The following CDK12 variants were observed in gnomAD, a reference collection of about 807,000 sequenced individuals.
CDK12 encodes the protein cyclin-dependent kinase 12.
CDK12 carries 17 observed loss-of-function variants against 133.8 expected under a neutral mutation model. That is an observed-to-expected ratio of 0.13 (90% CI 0.09 to 0.19). CDK12 has a LOEUF of 0.19. Ranked by LOEUF, CDK12 falls within the 10% of genes least tolerant of loss-of-function variation. The pLI is 1.00. For synonymous variants in CDK12, 694 were observed against 683.6 expected (o/e 1.02, Z -0.24); for missense variants, 1,508 against 1,818.7 (o/e 0.83, Z 3.11).
intron 2 of CDK12, among the ~76,000 whole-genome samples, chr17:39,478,739 T>G (rs1307012475): frequency 6.6e-6 from 1 of 152,110 alleles, no homozygotes; most frequent in Non-Finnish European, 1.5e-5. Context: ...GTGGGATGAT[T>G]ACTGGAGCCT....
At chr17:39,501,519 A>G (rs2052716432) in intron 6 of CDK12, 80 bp downstream of exon 6, 2 of 946,130 alleles carry the variant, frequency 2.1e-6, no homozygotes, top group South Asian at 1.6e-5. Flanking sequence ...AATTGGTATT[A>G]TAATTAGACC....
chr17:39,484,990 G>A (rs1255659957), intron 2 of CDK12, among the ~76,000 whole-genome samples: 1 of 152,032 alleles, frequency 6.6e-6, no homozygotes, highest in Non-Finnish European at 1.5e-5. Flanking sequence ...CTAACATGGT[G>A]AAACCCCGTC....
exon 1 of CDK12, chr17:39,550,210 G>C (rs1249659776): frequency 6.6e-6 from 1 of 152,178 alleles, no homozygotes. Context: ...ATAGGGACAG[G>C]GGAGGGATTG....
chr17:39,471,626 G>A lies in CDK12; in HGVS notation c.1794G>A (p.Gln598=). ...THSKTSAVSS[Q]ANSQPPVQVS... is the part of the protein sequence containing the mutation. ...CAAAGACATCTGCTGTGTCCTCTCA[G>A]GCAAATTCTCAGCCCCCTGTACAGG... Residue 598 remains glutamine, a synonymous_variant, in exon 2 of 14, where the codon CAG becomes CAA. Transcript: ENST00000447079. 3 of 1,614,098 alleles carry A rather than the reference G, an allele frequency of 1.9e-6. No individual in the cohort carries two copies. The highest frequency in any genetic ancestry group is 2.5e-6 in the Non-Finnish European group (3 of 1,180,024).
chr17:39,466,065 T>TG (rs1410664305), intron 1 of CDK12, among the ~76,000 whole-genome samples: 1 of 151,540 alleles, frequency 6.6e-6, no homozygotes, highest in Non-Finnish European at 1.5e-5. Flanking sequence ...CCAAGCACTT[T>TG]GGGAGGCCAA....
At chr17:39,503,229 C>T (rs565527434) in intron 6 of CDK12, among the ~76,000 whole-genome samples, 7 of 152,226 alleles carry the variant, frequency 4.6e-5, no homozygotes, top group African/African-American at 1.4e-4. Flanking sequence ...CCCACCACCA[C>T]GCCCAGCTAA....
chr17:39,491,774 G>C (rs2051624496), intron 3 of CDK12, among the ~76,000 whole-genome samples: 1 of 149,202 alleles, frequency 6.7e-6, no homozygotes, highest in South Asian at 2.1e-4. Context: ...ACCATGCCTG[G>C]CTGTGTGTTT....
At chr17:39,463,303 A>G (rs774018838) in intron 1 of CDK12, among the ~76,000 whole-genome samples, 186 bp downstream of exon 1, 21 of 152,198 alleles carry the variant, frequency 1.4e-4, no homozygotes, top group Non-Finnish European at 2.6e-4. Flanking sequence ...TGAAGAGTAC[A>G]TAGGCCTCAA....
intron 2 of CDK12, among the ~76,000 whole-genome samples, chr17:39,485,406 CCCT>C (rs1567712877): frequency 8.2e-5 from 11 of 133,942 alleles, no homozygotes; most frequent in African/African-American, 3.4e-4. Flanking sequence ...GGCATCCCCC[CCCT>C]TTTTTTTTTT....
Position 39,532,101 on chromosome 17 carries a change from T to TA in CDK12, c.*785_*786insA. 5.5e-6 allele frequency: 1 copy of TA among 182,042 alleles called. No individual in the cohort carries two copies. The highest frequency in any genetic ancestry group is 1.0e-5 in the Non-Finnish European group (1 of 96,350). 11.3% of individuals were successfully genotyped at this position (182,042 alleles called of 1,614,324 possible). ...TGCTGATGTGTGCTCTCTCTCTCTCTTTCTCTCTCTCTCTCTCTCTCTCTC... is the reference window on the plus strand; with the variant it reads ...TGCTGATGTGTGCTCTCTCTCTCTCTATTCTCTCTCTCTCTCTCTCTCTCTC... On this transcript the variant is annotated 3_prime_UTR_variant, in exon 14 of 14. Coordinates refer to ENST00000447079, the MANE Select transcript of CDK12 (RefSeq NM_016507.4).
intron 10 of CDK12, among the ~76,000 whole-genome samples, chr17:39,517,811 A>G (rs765554548): frequency 9.2e-5 from 14 of 152,122 alleles, no homozygotes; most frequent in Non-Finnish European, 1.5e-4. Context: ...TGATCTTTCC[A>G]TGAGAAAAAG....
At position 39,477,673 on chromosome 17, in the gene CDK12, C is replaced by T. The variant is rs113871451; in HGVS notation, c.1931+5910C>T. Among the ~76,000 whole-genome samples, 54 of 148,996 alleles carry T rather than the reference C, an allele frequency of 3.6e-4. 1 individual carries two copies. The highest frequency in any genetic ancestry group is 3.6e-3 in the Middle Eastern group (1 of 274). ...CTGCAAGCTCCACCTCCTGGGTCCACGCTATTCTTCTGCCTCAGCCTCCCG... is the reference window on the plus strand; with the variant it reads ...CTGCAAGCTCCACCTCCTGGGTCCATGCTATTCTTCTGCCTCAGCCTCCCG... On this transcript the variant is annotated intron_variant, in intron 2 of 13. Transcript: ENST00000447079.
In CDK12 at chr17:39,530,894, A is replaced by G. The variant is rs1555578574; in HGVS notation, c.4051A>G (p.Ile1351Val). 1 of 1,614,202 alleles carries G rather than the reference A, an allele frequency of 6.2e-7. No homozygotes were observed. Among genetic ancestry groups the G allele is most frequent in the Non-Finnish European group, 8.5e-7 (1 of 1,180,040 alleles). ...TGGGCCTGAAACAGGGTTCAGTGCCATTGACACTGATGAACGAAACTCTGG... is the reference window on the plus strand; with the variant it reads ...TGGGCCTGAAACAGGGTTCAGTGCCGTTGACACTGATGAACGAAACTCTGG... ...TDGPETGFSA[I>V]DTDERNSGPA... is the part of the protein sequence containing the mutation. Residue 1351 changes from isoleucine (I) to valine (V), a missense_variant, in exon 14 of 14, where the codon ATT (isoleucine) becomes GTT (valine). By Grantham distance (29) the Ile-to-Val change is conservative. Transcript: ENST00000447079.
chr17:39,511,016 C>A (rs2053472689), intron 7 of CDK12, among the ~76,000 whole-genome samples: 1 of 145,364 alleles, frequency 6.9e-6, no homozygotes, highest in African/African-American at 2.5e-5. Flanking sequence ...GAGATCAAGA[C>A]CATTCTGGCT....
At chr17:39,544,608 G>C (rs1597672970), upstream of CDK12, among the ~76,000 whole-genome samples, 1 of 149,682 alleles carries the variant, frequency 6.7e-6, no homozygotes, top group East Asian at 2.0e-4. Flanking sequence ...CTCTTGAGTA[G>C]CTGGGTAACA....
At chr17:39,565,520 G>A (rs1011918477), downstream of CDK12, among the ~76,000 whole-genome samples, 1 of 151,828 alleles carries the variant, frequency 6.6e-6, no homozygotes, top group Non-Finnish European at 1.5e-5. Flanking sequence ...TGCAACTTTT[G>A]CCTCCCAGGT....
Position 39,532,396 on chromosome 17 carries a change from A to T in CDK12, c.*1080A>T. 1 of 233,090 alleles carries T rather than the reference A, an allele frequency of 4.3e-6. No homozygotes were observed. The highest frequency in any genetic ancestry group is 8.5e-6 in the Non-Finnish European group (1 of 117,894). The allele number at this position is 233,090 out of a possible 1,614,324, so 14.4% of individuals were successfully genotyped here. On this transcript the variant is annotated 3_prime_UTR_variant, in exon 14 of 14. Coordinates refer to ENST00000447079, the MANE Select transcript of CDK12 (RefSeq NM_016507.4). ...TGCTGCTGAGCTGTGGTTAGAGATG[A>T]TGCCTCCATTCCTAGAGGGCTAATA...
rs1231404523 is a variant in CDK12, at chr17:39,533,721, C to T, written c.*2405C>T. 4 of 232,630 alleles carry T rather than the reference C, an allele frequency of 1.7e-5. No homozygotes were observed. Among genetic ancestry groups the T allele is most frequent in the Non-Finnish European group, 3.4e-5 (4 of 117,782 alleles). The allele number at this position is 232,630 out of a possible 1,614,324, so 14.4% of individuals were successfully genotyped here. On this transcript the variant is annotated 3_prime_UTR_variant, in exon 14 of 14. Transcript: ENST00000447079. ...TATGTGTATGTATGATCCCATCTCA[C>T]CCCCACCCCCATTTTGGGAGTCTTT...
At position 39,471,741 on chromosome 17, in the gene CDK12, C is replaced by T; in HGVS notation, c.1909C>T (p.Pro637Ser). The T allele has an allele frequency of 6.2e-7, 1 of 1,612,528 alleles. No homozygotes were observed. The highest frequency in any genetic ancestry group is 1.1e-5 in the South Asian group (1 of 90,852). Residue 637 changes from proline (P) to serine (S), a missense_variant, in exon 2 of 14, where the codon CCT becomes TCT. Pro to Ser is a moderately conservative substitution (Grantham distance 74, BLOSUM62 -1). Around this residue, in one of 9 missense-constraint regions of CDK12, gnomAD observed 347 missense variants for 330.8 expected, o/e 1.05. Transcript: ENST00000447079. The part of the protein sequence containing the change: ...LPPLPLPPLL[P>S]GDDDMDSPKE... ...TCCTTTGCCCCTCCCACCCTTATTA[C>T]CTGGAGATGATGACATGGATAGGTA...
Sources: allele counts gnomAD v4.1 joint callset (sites outside exome capture counted in the v4.1 genomes callset), GRCh38; gene constraint gnomAD v4.1.1; regional missense constraint gnomAD v4.1.1; transcripts MANE v1.5; gene names NCBI Gene and HGNC (gene_info 2026-07-23, HGNC 2026-07-21).